GRHL1: variants seen among roughly 807,000 people sequenced by gnomAD.
The protein encoded by GRHL1 is grainyhead like transcription factor 1, also known as grainyhead-like protein 1 homolog.
Under a neutral mutation model 75.7 loss-of-function variants are expected in GRHL1, and 38 were observed. That is an observed-to-expected ratio of 0.50 (90% confidence interval 0.39 to 0.66). The LOEUF (loss-of-function observed/expected upper bound fraction) is 0.66, where lower values mean the gene tolerates loss of function less well. Among genes scored for constraint, GRHL1 ranks in the 30% least tolerant of loss-of-function variants. The probability of loss-of-function intolerance (pLI) is 0.00; values close to 1 mark genes in which losing one functional copy is unlikely to be tolerated. For missense variants in GRHL1, 589 were observed against 767.5 expected (o/e 0.77, Z 2.75); for synonymous variants, 266 against 279.4 (o/e 0.95, Z 0.48).
At chr2:9,970,418 G>A (rs2125219427) in intron 8 of GRHL1, among the ~76,000 whole-genome samples, 1 of 152,344 alleles carries the variant, frequency 6.6e-6, no homozygotes, top group Admixed American at 6.5e-5. Context: ...GGAGATTTGG[G>A]CATTTCTCCT....
At chr2:9,985,786 A>G (rs1382701975) in intron 8 of GRHL1, among the ~76,000 whole-genome samples, 1 of 152,220 alleles carries the variant, frequency 6.6e-6, no homozygotes, top group Non-Finnish European at 1.5e-5. Flanking sequence ...AGAGGGAGCT[A>G]TGCTATTGGT....
intron 3 of GRHL1, chr2:9,960,762 A>G (rs1469212046): frequency 3.1e-6 from 1 of 322,634 alleles, no homozygotes; most frequent in East Asian, 5.4e-5. Context: ...TTCTAGTAAA[A>G]CACAGTAATT....
intron 9 of GRHL1, among the ~76,000 whole-genome samples, chr2:9,988,300 T>G (rs1167895943): frequency 6.6e-6 from 1 of 152,162 alleles, no homozygotes; most frequent in Admixed American, 6.5e-5. Context: ...TTTCTGAATA[T>G]TCTACCAAGT....
At position 9,951,742 on chromosome 2, in the gene GRHL1, C is replaced by G; in HGVS notation, c.-92C>G. 1 of 1,244,278 alleles carries G rather than the reference C, an allele frequency of 8.0e-7. No homozygotes were observed. Among genetic ancestry groups the G allele is most frequent in the South Asian group, 1.4e-5 (1 of 73,842 alleles). The allele number at this position is 1,244,278 out of a possible 1,614,324, so 77.1% of individuals were successfully genotyped here. ...CGTCGGGGCCGCCGCTCCGGACCCG[C>G]AGCCGCCGCCGCCGCCTCCTCCCCC... On this transcript the variant is annotated 5_prime_UTR_variant, in exon 1 of 16. Coordinates refer to ENST00000324907, the MANE Select transcript of GRHL1 (RefSeq NM_198182.3). The surrounding 1 kb of genome is among the most constrained non-coding windows in gnomAD (Gnocchi z 4.2).
rs1392704345 is a variant in GRHL1, at chr2:10,000,704, C to G, written c.1854C>G (p.Ile618Met). 6.4e-7 allele frequency: 1 copy of G among 1,564,910 alleles called. No individual in the cohort carries two copies. The highest frequency in any genetic ancestry group is 8.8e-7 in the Non-Finnish European group (1 of 1,135,680). The change falls in exon 16 of 16, where the codon ATC (isoleucine) becomes ATG (methionine). Residue 618 changes from isoleucine to methionine, a missense_variant. Physicochemically the swap from Ile to Met is conservative, Grantham distance 10. Coordinates refer to ENST00000324907, the MANE Select transcript of GRHL1 (RefSeq NM_198182.3). ...CTTACAAGCTCACCCTGACGGAGAT[C>G]TAAAGGCCTGCGGGCCACAGCTCCC... The part of the protein sequence containing the change: ...GGSYKLTLTE[I>M]
At chr2:9,964,467 C>T in intron 7 of GRHL1, 121 bp downstream of exon 7, 1 of 635,218 alleles carries the variant, frequency 1.6e-6, no homozygotes, top group Non-Finnish European at 2.8e-6. Flanking sequence ...ATGCCAGCTA[C>T]TGATCTGTTC....
At chr2:9,957,040 G>A (rs957917941) in intron 2 of GRHL1, among the ~76,000 whole-genome samples, 4 of 144,762 alleles carry the variant, frequency 2.8e-5, no homozygotes, top group Non-Finnish European at 4.5e-5. Context: ...TCTCGCTCTT[G>A]CCCACGCTGA....
intron 2 of GRHL1, among the ~76,000 whole-genome samples, chr2:9,958,512 C>A (rs962494170): frequency 4.6e-5 from 7 of 151,868 alleles, no homozygotes; most frequent in African/African-American, 1.7e-4. Context: ...AGAGATGAGA[C>A]CCAAACTCCA....
intron 8 of GRHL1, among the ~76,000 whole-genome samples, chr2:9,983,776 CTTT>C (rs71391180): frequency 0.026 from 3,712 of 144,078 alleles, 147 homozygotes; most frequent in African/African-American, 0.088. Context: ...TTTGCATGGA[CTTT>C]TTTTTTTTTT....
intron 2 of GRHL1, among the ~76,000 whole-genome samples, chr2:9,956,200 G>T (rs933101468): frequency 2.0e-5 from 3 of 152,058 alleles, no homozygotes; most frequent in African/African-American, 7.2e-5. Context: ...ACCCAGAATC[G>T]CCAGTTGCTA....
intron 8 of GRHL1, among the ~76,000 whole-genome samples, chr2:9,979,621 T>C (rs772960126): frequency 3.3e-5 from 5 of 152,166 alleles, no homozygotes; most frequent in Non-Finnish European, 7.4e-5. Flanking sequence ...TACAAAACCA[T>C]GTAAAATTCT....
chr2:9,999,428 C>T (rs979652849), intron 15 of GRHL1, among the ~76,000 whole-genome samples: 1 of 152,270 alleles, frequency 6.6e-6, no homozygotes, highest in African/African-American at 2.4e-5. Flanking sequence ...AGGGCAGCAC[C>T]TCCGTGTGTC....
Position 9,990,620 on chromosome 2 carries a change from T to C in GRHL1, c.1270-76T>C. ...GAAGGGAGAAAGGCTTCTTCTTCCA[T>C]TGGTCAGGATAAGAGTTAAATATTT... On this transcript the variant is annotated intron_variant, in intron 9 of 15. Transcript: ENST00000324907. This position sits in a 1 kb window ranked among gnomAD's most constrained non-coding sequence, Gnocchi z 4.2. The C allele has an allele frequency of 1.2e-6, 1 of 816,738 alleles. No individual in the cohort carries two copies. Among genetic ancestry groups the C allele is most frequent in the Non-Finnish European group, 1.9e-6 (1 of 525,102 alleles). 50.6% of individuals were successfully genotyped at this position (816,738 alleles called of 1,614,324 possible). A position where few individuals can be genotyped will look rare whatever the true frequency, so the allele number is the denominator to read the frequency against.
chr2:9,975,217 C>T (rs897787391), intron 8 of GRHL1, among the ~76,000 whole-genome samples: 6 of 152,210 alleles, frequency 3.9e-5, no homozygotes, highest in African/African-American at 1.4e-4. Context: ...ATTACCACAT[C>T]TGTAAATGCA....
intron 8 of GRHL1, among the ~76,000 whole-genome samples, chr2:9,971,512 A>AT (rs1667722980): frequency 6.6e-6 from 1 of 152,260 alleles, no homozygotes; most frequent in East Asian, 1.9e-4. Flanking sequence ...CTAGACTGAG[A>AT]TGGATTATTC....
At chr2:9,963,562 C>A (rs186371744) in intron 5 of GRHL1, among the ~76,000 whole-genome samples, 3 of 152,324 alleles carry the variant, frequency 2.0e-5, no homozygotes, top group Non-Finnish European at 4.4e-5. Flanking sequence ...AGCCACCTGT[C>A]TGAAACCTCT....
chr2:9,986,943 A>C (rs1668447076), intron 9 of GRHL1, among the ~76,000 whole-genome samples: 1 of 150,922 alleles, frequency 6.6e-6, no homozygotes, highest in Admixed American at 6.6e-5. Context: ...CCGGTCCTCA[A>C]GTGATCCTCC....
In GRHL1 at chr2:9,961,358, T is replaced by C; in HGVS notation, c.591T>C (p.Ser197=). 6.2e-7 allele frequency: 1 copy of C among 1,614,120 alleles called. No individual in the cohort carries two copies. The highest frequency in any genetic ancestry group is 1.7e-4 in the Middle Eastern group (1 of 6,060). The change falls in exon 4 of 16, where the codon TCT becomes TCC. Residue 197 remains serine (S), a synonymous_variant. Transcript: ENST00000324907. ...ATCTCAATACTGACCAGTTCAGCTC[T>C]GGTGCTCAAGCCCCAAATGCTCAAA... ...DRNLNTDQFS[S]GAQAPNAQRR...
intron 14 of GRHL1, among the ~76,000 whole-genome samples, chr2:9,996,838 G>A (rs1356310925): frequency 6.6e-6 from 1 of 152,210 alleles, no homozygotes; most frequent in Non-Finnish European, 1.5e-5. Flanking sequence ...CTATTGCAGA[G>A]AAAGTAGACG....
Sources: gnomAD v4.1 joint callset for allele counts (sites outside exome capture counted in the v4.1 genomes callset) on GRCh38, gnomAD v4.1.1 for gene constraint, Gnocchi (gnomAD v3.1) non-coding constraint, MANE v1.5 for transcripts, NCBI Gene and HGNC (gene_info 2026-07-23, HGNC 2026-07-21) for gene names.